NDUFA10: variants seen among roughly 807,000 people sequenced by gnomAD.
NDUFA10 encodes NADH:ubiquinone oxidoreductase subunit A10, also known as NADH dehydrogenase [ubiquinone] 1 alpha subcomplex subunit 10, mitochondrial.
A neutral mutation model predicts 47.8 loss-of-function variants in NDUFA10; 40 were observed. The observed-to-expected ratio is 0.84, with a 90% CI of 0.65 to 1.09. The LOEUF (loss-of-function observed/expected upper bound fraction) is 1.09. Among genes scored for constraint, NDUFA10 ranks in the 50% least tolerant of loss-of-function variants. The probability of loss-of-function intolerance (pLI) is 0.00; values close to 1 mark genes in which losing one functional copy is unlikely to be tolerated. For synonymous variants in NDUFA10, 183 were observed against 172.2 expected (o/e 1.06, Z -0.49); for missense variants, 413 against 451.1 (o/e 0.92, Z 0.76).
Position 239,959,858 on chromosome 2 carries a change from A to G in NDUFA10, c.*1260T>C. 2.1e-6 allele frequency: 2 copies of G among 974,236 alleles called. No homozygotes were observed. The highest frequency in any genetic ancestry group is 2.4e-6 in the Non-Finnish European group (2 of 819,774). 60.3% of individuals were successfully genotyped at this position (974,236 alleles called of 1,614,324 possible). A position where few individuals can be genotyped will look rare whatever the true frequency, so the allele number is the denominator to read the frequency against. The stretch of plus-strand genomic sequence containing the variant: ...GAAGGAGGGAAGGAAGGGGAGAGGG[A>G]AAAAGGCAGGCGGACGCAAGGAGGG... On this transcript the variant is annotated 3_prime_UTR_variant, in exon 10 of 10. Coordinates refer to ENST00000252711, the MANE Select transcript of NDUFA10 (RefSeq NM_004544.4).
At chr2:239,962,803 T>G (rs576785526) in intron 9 of NDUFA10, among the ~76,000 whole-genome samples, 7 of 151,318 alleles carry the variant, frequency 4.6e-5, no homozygotes, top group African/African-American at 1.7e-4. Flanking sequence ...ATAGTGGGAG[T>G]AGGAGCAAGA....
chr2:239,989,948 GGC>G (rs1696175915), intron 9 of NDUFA10, 124 bp downstream of exon 9: 1 of 751,648 alleles, frequency 1.3e-6, no homozygotes, highest in African/African-American at 1.7e-5. Context: ...ATGAAAAAGA[GGC>G]TCCTTCACTA....
chr2:239,932,686 TCTC>T (rs1216350832), intron 4 of NDUFA10, among the ~76,000 whole-genome samples: 2 of 151,940 alleles, frequency 1.3e-5, no homozygotes, highest in African/African-American at 2.4e-5. Flanking sequence ...TTCACGCCAT[TCTC>T]CTGCCTCAGC....
rs1166641855 is a variant in NDUFA10, at chr2:240,018,626, C to T, written c.474G>A (p.Val158=). The part of the protein sequence containing the change: ...EHLLTTGQGV[V]LERSIFSDFV... The stretch of plus-strand genomic sequence containing the variant: ...AGTCACTGAAGATGGAGCGCTCCAA[C>T]ACAACACCTTGTCCTGTTTAAACAT... Residue 158 remains valine (V), a synonymous_variant, in exon 4 of 10, where the codon GTG becomes GTA. Transcript: ENST00000252711. The T allele has an allele frequency of 1.2e-6, 2 of 1,614,058 alleles. No homozygotes were observed. The highest frequency in any genetic ancestry group is 1.3e-5 in the African/African-American group (1 of 74,906).
intron 4 of NDUFA10, among the ~76,000 whole-genome samples, chr2:239,903,022 A>T (rs1341785622): frequency 6.6e-6 from 1 of 152,178 alleles, no homozygotes; most frequent in Non-Finnish European, 1.5e-5. Flanking sequence ...TGTTTCACAG[A>T]CGTGGAAAGG....
At chr2:240,002,897 TG>T (rs1477805038) in intron 8 of NDUFA10, among the ~76,000 whole-genome samples, 1 of 152,146 alleles carries the variant, frequency 6.6e-6, no homozygotes, top group African/African-American at 2.4e-5. Context: ...TCGCCCAAGC[TG>T]GAGTACCGTG....
chr2:239,903,589 G>A (rs894721677), intron 4 of NDUFA10, among the ~76,000 whole-genome samples: 2 of 152,230 alleles, frequency 1.3e-5, no homozygotes, highest in African/African-American at 4.8e-5. Context: ...CTGTTGAAAA[G>A]GGGAAAGGAG....
intron 4 of NDUFA10, among the ~76,000 whole-genome samples, chr2:239,939,920 C>G (rs1295488211): frequency 6.6e-6 from 1 of 152,220 alleles, no homozygotes; most frequent in Non-Finnish European, 1.5e-5. Flanking sequence ...CAGCCCTACT[C>G]AGTCAGGGCT....
At position 239,934,874 on chromosome 2, in the gene NDUFA10, C is replaced by G. The variant is rs113326132; in HGVS notation, c.295-39560G>C. ...ACATGGGCCTGCAACTCAGACAACC[C>G]CACTCCCTCTCGCTCACCAGGTTTC... On this transcript the variant is annotated intron_variant, in intron 4 of 5. Coordinates refer to the NDUFA10 transcript ENST00000419408. Among the ~76,000 whole-genome samples, 216 of 152,296 alleles carry G rather than the reference C, an allele frequency of 1.4e-3. 2 individuals carry two copies. The highest frequency in any genetic ancestry group is 4.9e-3 in the African/African-American group (202 of 41,568).
chr2:240,005,267 A>C lies in NDUFA10; in HGVS notation c.833T>G (p.Phe278Cys). Residue 278 changes from phenylalanine (F) to cysteine (C), a missense_variant, in exon 8 of 10, where the codon TTC becomes TGC. By Grantham distance (205) the Phe-to-Cys change is radical. Transcript: ENST00000252711. ...KVVEDIEYLK[F>C]DKGPWLKQDN... ...CTGCTTGAGCCACGGCCCTTTATCGAACTTCAGGTATTCAATGTCCTCTAC... is the reference window on the plus strand; with the variant it reads ...CTGCTTGAGCCACGGCCCTTTATCGCACTTCAGGTATTCAATGTCCTCTAC... 1 of 1,614,082 alleles carries C rather than the reference A, an allele frequency of 6.2e-7. No individual in the cohort carries two copies. The highest frequency in any genetic ancestry group is 8.5e-7 in the Non-Finnish European group (1 of 1,179,956).
At chr2:240,015,758 G>C (rs1697321878) in intron 4 of NDUFA10, among the ~76,000 whole-genome samples, 1 of 152,250 alleles carries the variant, frequency 6.6e-6, no homozygotes, top group Non-Finnish European at 1.5e-5. Flanking sequence ...CATGTGGAGA[G>C]GCCATGCTGA....
intron 4 of NDUFA10, among the ~76,000 whole-genome samples, chr2:239,929,953 T>C (rs1243175408): frequency 8.4e-5 from 8 of 94,892 alleles, no homozygotes; most frequent in South Asian, 4.1e-4. Flanking sequence ...GCTCCTCCGC[T>C]GCCCCTGCTT....
At chr2:239,942,560 C>A (rs1182106639) in intron 4 of NDUFA10, among the ~76,000 whole-genome samples, 1 of 152,180 alleles carries the variant, frequency 6.6e-6, no homozygotes, top group African/African-American at 2.4e-5. Context: ...ACGTTGTTGA[C>A]ATTTATTTTA....
At chr2:239,978,375 T>G (rs995688473) in intron 9 of NDUFA10, among the ~76,000 whole-genome samples, 3 of 152,168 alleles carry the variant, frequency 2.0e-5, no homozygotes, top group Non-Finnish European at 4.4e-5. Context: ...TCACCACCCC[T>G]GACCTTCCTG....
At chr2:240,004,240 T>G (rs902733568) in intron 8 of NDUFA10, among the ~76,000 whole-genome samples, 3 of 151,874 alleles carry the variant, frequency 2.0e-5, no homozygotes, top group Non-Finnish European at 4.4e-5. Context: ...CAGACAAGGG[T>G]CTGCCGCATC....
chr2:239,982,774 T>C (rs1234119100), intron 9 of NDUFA10, among the ~76,000 whole-genome samples: 1 of 152,254 alleles, frequency 6.6e-6, no homozygotes, highest in African/African-American at 2.4e-5. Flanking sequence ...TAGTATTTGT[T>C]TTCAAAAGAA....
intron 4 of NDUFA10, among the ~76,000 whole-genome samples, chr2:239,902,671 C>T (rs1693575020): frequency 6.6e-6 from 1 of 152,180 alleles, no homozygotes; most frequent in African/African-American, 2.4e-5. Context: ...AAATACATTT[C>T]TCATCCTGAG....
chr2:239,927,802 C>T (rs2106371181), intron 4 of NDUFA10, among the ~76,000 whole-genome samples: 1 of 152,198 alleles, frequency 6.6e-6, no homozygotes, highest in South Asian at 2.1e-4. Context: ...GCGTGGCAGC[C>T]GCCACAGGTG....
intron 9 of NDUFA10, among the ~76,000 whole-genome samples, chr2:239,981,161 A>T (rs576882446): frequency 3.9e-5 from 6 of 152,356 alleles, no homozygotes; most frequent in Non-Finnish European, 7.4e-5. Context: ...ACATACTTAT[A>T]CTAAAATACT....
Sources: allele counts gnomAD v4.1 joint callset (sites outside exome capture counted in the v4.1 genomes callset), GRCh38; gene constraint gnomAD v4.1.1; transcripts MANE v1.5; gene names NCBI Gene and HGNC (gene_info 2026-07-23, HGNC 2026-07-21).